Variants in OLFML2A observed in about 807,000 individuals in gnomAD.
The protein encoded by OLFML2A is olfactomedin like 2A.
In OLFML2A, 47 loss-of-function variants were observed where a neutral mutation model predicts 60.9. That is an observed-to-expected ratio of 0.77 (90% CI 0.61 to 0.98). The LOEUF is 0.98. Among genes scored for constraint, OLFML2A ranks in the 50% least tolerant of loss-of-function variants. The pLI, the probability that OLFML2A is intolerant of heterozygous loss-of-function variation, is 0.00. For missense variants in OLFML2A, 922 were observed against 879.8 expected, an observed-to-expected ratio of 1.05 and a Z score of -0.61; for synonymous variants, 372 against 375.0, an observed-to-expected ratio of 0.99 and a Z score of 0.09.
At chr9:124,790,845 A>G (rs1018626629) in intron 2 of OLFML2A, among the ~76,000 whole-genome samples, 2 of 152,168 alleles carry the variant, frequency 1.3e-5, no homozygotes, top group Admixed American at 6.5e-5. Flanking sequence ...AGGGGAGCCC[A>G]CAGGATGGGG....
chr9:124,787,086 C>A lies in OLFML2A; in HGVS notation c.202C>A (p.Arg68=). The change falls in exon 2 of 8, where the codon CGG becomes AGG. Residue 68 remains arginine (R), a synonymous_variant. Transcript: ENST00000373580. ...CGCGTGTAGCCGAGTGCGCAGTGGG[C>A]GGGCACGCGTGGAGGACTTCTACAC... is the stretch of plus-strand genomic sequence containing the variant. ...KDACSRVRSG[R]ARVEDFYTVE... 1 of 1,614,108 alleles carries A rather than the reference C, an allele frequency of 6.2e-7. No individual in the cohort carries two copies.
chr9:124,803,172 G>A (rs1203899695), intron 5 of OLFML2A, among the ~76,000 whole-genome samples: 5 of 152,104 alleles, frequency 3.3e-5, no homozygotes, highest in Non-Finnish European at 7.4e-5. Flanking sequence ...GCCTCCCAAA[G>A]TGCTGGGATT....
chr9:124,799,588 T>C, intron 4 of OLFML2A, 97 bp downstream of exon 4: 1 of 1,029,524 alleles, frequency 9.7e-7, no homozygotes, highest in Admixed American at 2.2e-5. Flanking sequence ...GATGGGGGTT[T>C]GGGGCTGTAA....
intron 4 of OLFML2A, chr9:124,801,151 G>A: frequency 8.2e-7 from 1 of 1,218,344 alleles, no homozygotes; most frequent in Non-Finnish European, 1.2e-6. Context: ...GACAGGAGTT[G>A]AGAAGTGGGA....
intron 5 of OLFML2A, among the ~76,000 whole-genome samples, chr9:124,802,912 AT>A (rs542874521): frequency 0.015 from 2,164 of 147,176 alleles, 42 homozygotes; most frequent in African/African-American, 0.048. Context: ...TGGTGTCACA[AT>A]TTTTTTTTTT....
intron 3 of OLFML2A, 107 bp from the exon 4 acceptor site, chr9:124,799,178 G>C: frequency 1.3e-6 from 1 of 781,796 alleles, no homozygotes; most frequent in Non-Finnish European, 2.2e-6. Context: ...AGCCCGTTCG[G>C]GGGACTGGGC....
chr9:124,778,622 A>T, intron 1 of OLFML2A, among the ~76,000 whole-genome samples: 1 of 91,320 alleles, frequency 1.1e-5, no homozygotes, highest in African/African-American at 5.6e-5. Flanking sequence ...CCCCGTCTCT[A>T]TAAAAAAAAA....
rs920574694 is a variant in OLFML2A at position 124,779,039 on chromosome 9, A to G, written c.90+1679A>G. On this transcript the variant is annotated intron_variant, in intron 1 of 7. Coordinates refer to ENST00000373580, the MANE Select transcript of OLFML2A (RefSeq NM_182487.4). The surrounding 1 kb of genome is among the most constrained non-coding windows in gnomAD (Gnocchi z 4.1). ...GCCAACTCTCAGCCTGATTCAGCTC[A>G]GGGCATGAAAGCACCCACGTACAAC... 1.4e-6 allele frequency: 1 copy of G among 735,462 alleles called. No homozygotes were observed. The highest frequency in any genetic ancestry group is 1.7e-6 in the Non-Finnish European group (1 of 601,754). The allele number at this position is 735,462 out of a possible 1,614,324, so 45.6% of individuals were successfully genotyped here.
intron 6 of OLFML2A, among the ~76,000 whole-genome samples, chr9:124,807,370 G>A (rs112525866): frequency 0.041 from 5,752 of 140,834 alleles, 165 homozygotes; most frequent in East Asian, 0.16. Flanking sequence ...TGCAACCTCC[G>A]CCTCCTGGGT....
intron 2 of OLFML2A, among the ~76,000 whole-genome samples, chr9:124,789,760 C>T (rs140219065): frequency 9.3e-4 from 141 of 152,296 alleles, no homozygotes; most frequent in African/African-American, 3.2e-3. Flanking sequence ...GTTTTTGTAA[C>T]GCCTGAATGA....
chr9:124,796,440 G>A (rs1357374731), intron 3 of OLFML2A, among the ~76,000 whole-genome samples: 1 of 152,204 alleles, frequency 6.6e-6, no homozygotes, highest in African/African-American at 2.4e-5. Context: ...ATGATCCGGA[G>A]GGTATATCAG....
intron 1 of OLFML2A, among the ~76,000 whole-genome samples, chr9:124,786,696 G>A (rs1349983781): frequency 6.6e-6 from 1 of 151,082 alleles, no homozygotes; most frequent in African/African-American, 2.4e-5. Context: ...ACTCCAGCCT[G>A]GGCGACAGAG....
intron 3 of OLFML2A, 77 bp downstream of exon 3, chr9:124,795,208 C>A: frequency 3.8e-6 from 3 of 790,668 alleles, no homozygotes; most frequent in Non-Finnish European, 4.2e-6. Flanking sequence ...GGGGCCCCGG[C>A]AATCCAGGCT....
At chr9:124,785,690 G>T (rs1170703488) in intron 1 of OLFML2A, among the ~76,000 whole-genome samples, 3 of 151,970 alleles carry the variant, frequency 2.0e-5, no homozygotes, top group African/African-American at 7.3e-5. Flanking sequence ...ATGAGCCACC[G>T]CGCCCGGCCT....
rs1171618111 is a variant in OLFML2A at position 124,785,390 on chromosome 9, CTTTTTTTTTTTTTT to C, written c.91-1573_91-1560del. On this transcript the variant is annotated intron_variant, in intron 1 of 7. Transcript: ENST00000373580. ...CTTTGTTTGGATACCCATTTTCTTT[CTTTTTTTTTTTTTT>C]TTTTTTTTTTTGAGACGGAGTCTCA... Among the ~76,000 whole-genome samples the C allele has an allele frequency of 2.6e-3, 160 of 62,262 alleles. 2 individuals are homozygous for C. The highest frequency in any genetic ancestry group is 9.6e-3 in the African/African-American group (142 of 14,862). The allele number at this position is 62,262 out of a possible 152,430, so 40.8% of individuals were successfully genotyped here.
intron 4 of OLFML2A, among the ~76,000 whole-genome samples, chr9:124,799,757 T>C (rs1841739533): frequency 6.6e-6 from 1 of 152,208 alleles, no homozygotes; most frequent in African/African-American, 2.4e-5. Flanking sequence ...GGCATCCTTC[T>C]CATTCCCAAG....
chr9:124,808,296 G>A (rs1255249381), intron 7 of OLFML2A, among the ~76,000 whole-genome samples: 1 of 152,200 alleles, frequency 6.6e-6, no homozygotes, highest in Non-Finnish European at 1.5e-5. Flanking sequence ...ACCCTGTGCT[G>A]ATCTCGCCCC....
At chr9:124,807,412 T>C (rs1411056107) in intron 6 of OLFML2A, among the ~76,000 whole-genome samples, 2 of 151,814 alleles carry the variant, frequency 1.3e-5, no homozygotes, top group African/African-American at 4.8e-5. Flanking sequence ...GCTTCCTGAG[T>C]AGCTACGATT....
At chr9:124,792,239 T>A (rs1841582089) in intron 2 of OLFML2A, among the ~76,000 whole-genome samples, 1 of 152,200 alleles carries the variant, frequency 6.6e-6, no homozygotes. Flanking sequence ...TAGGCACATG[T>A]GTGTTACTAC....
Sources: allele counts gnomAD v4.1 joint callset (sites outside exome capture counted in the v4.1 genomes callset), GRCh38; gene constraint gnomAD v4.1.1; non-coding constraint Gnocchi (gnomAD v3.1); transcripts MANE v1.5; gene names NCBI Gene and HGNC (gene_info 2026-07-23, HGNC 2026-07-21).